PLEKHA5: variants seen among roughly 807,000 people sequenced by gnomAD.
PLEKHA5 encodes the protein pleckstrin homology domain containing A5.
In PLEKHA5, 55 loss-of-function variants were observed where a neutral mutation model predicts 181.9. The observed-to-expected ratio is 0.30, with a 90% confidence interval of 0.24 to 0.38. The LOEUF (loss-of-function observed/expected upper bound fraction) is 0.38. PLEKHA5 is among the 10% of genes least tolerant of loss of function. PLEKHA5 has a pLI of 1.00. For missense variants in PLEKHA5, 1,432 were observed against 1,549.5 expected (o/e 0.92, Z 1.27); for synonymous variants, 535 against 529.4 (o/e 1.01, Z -0.15).
chr12:19,184,303 A>C (rs1454308681), intron 3 of PLEKHA5, among the ~76,000 whole-genome samples: 3 of 152,136 alleles, frequency 2.0e-5, no homozygotes, highest in African/African-American at 7.2e-5. Flanking sequence ...TTGAATAGTA[A>C]ACCCCCAAAA....
intron 3 of PLEKHA5, chr12:19,201,579 C>A (rs2054216703): frequency 6.6e-6 from 1 of 152,074 alleles, no homozygotes; most frequent in East Asian, 1.9e-4. Context: ...CTGTCAACTA[C>A]TGTGAATGGA....
At chr12:19,249,316 A>AT (rs1323129719) in intron 3 of PLEKHA5, among the ~76,000 whole-genome samples, 2 of 152,204 alleles carry the variant, frequency 1.3e-5, no homozygotes, top group Non-Finnish European at 1.5e-5. Context: ...CAAAAACTGC[A>AT]ATACCTCAAC....
At chr12:19,232,063 T>C (rs1394772218) in intron 3 of PLEKHA5, among the ~76,000 whole-genome samples, 4 of 152,190 alleles carry the variant, frequency 2.6e-5, no homozygotes, top group African/African-American at 9.6e-5. Context: ...ATTAGTTTTA[T>C]TGCTCAAATA....
chr12:19,292,822 C>T (rs184525817), intron 15 of PLEKHA5, among the ~76,000 whole-genome samples: 2 of 152,110 alleles, frequency 1.3e-5, no homozygotes, highest in Non-Finnish European at 2.9e-5. Flanking sequence ...ACCTGTAATC[C>T]CTGCTACTTG....
chr12:19,317,356 CT>C (rs58539448), intron 16 of PLEKHA5, among the ~76,000 whole-genome samples: 402 of 139,654 alleles, frequency 2.9e-3, no homozygotes, highest in Admixed American at 2.8e-3. Flanking sequence ...GATACTATCT[CT>C]TTTTTTTTTT....
At chr12:19,170,144 A>G (rs543567624) in intron 3 of PLEKHA5, among the ~76,000 whole-genome samples, 4 of 152,242 alleles carry the variant, frequency 2.6e-5, no homozygotes, top group Non-Finnish European at 5.9e-5. Context: ...GAGATCAGGT[A>G]GAAACCCCAA....
At chr12:19,216,435 G>A (rs1292202726) in intron 3 of PLEKHA5, among the ~76,000 whole-genome samples, 5 of 152,108 alleles carry the variant, frequency 3.3e-5, no homozygotes, top group East Asian at 3.9e-4. Flanking sequence ...GGCCAAGGTG[G>A]GCAGATCATT....
intron 16 of PLEKHA5, among the ~76,000 whole-genome samples, chr12:19,317,507 A>C (rs892133321): frequency 3.3e-5 from 5 of 152,250 alleles, no homozygotes; most frequent in African/African-American, 1.2e-4. Context: ...AAATGCCTAT[A>C]GTCCTATGAG....
At chr12:19,148,979 A>T (rs909749942) in intron 3 of PLEKHA5, among the ~76,000 whole-genome samples, 1 of 152,114 alleles carries the variant, frequency 6.6e-6, no homozygotes, top group African/African-American at 2.4e-5. Context: ...GGAAACAAAC[A>T]TTATTATTGG....
At chr12:19,235,104 T>C (rs964427611) in intron 3 of PLEKHA5, among the ~76,000 whole-genome samples, 9 of 152,286 alleles carry the variant, frequency 5.9e-5, no homozygotes, top group African/African-American at 2.2e-4. Context: ...ATGAGAAGGA[T>C]CATGAATCAC....
At chr12:19,233,833 A>T (rs931455628) in intron 3 of PLEKHA5, among the ~76,000 whole-genome samples, 2 of 152,202 alleles carry the variant, frequency 1.3e-5, no homozygotes, top group African/African-American at 2.4e-5. Context: ...CACCTATAGT[A>T]TAGAGATAAC....
At chr12:19,262,872 A>G (rs549068934) in intron 7 of PLEKHA5, among the ~76,000 whole-genome samples, 1 of 152,304 alleles carries the variant, frequency 6.6e-6, no homozygotes, top group South Asian at 2.1e-4. Context: ...AACCTATAAT[A>G]GAAGTTGGAA....
chr12:19,242,265 G>GTC (rs1386544795), intron 3 of PLEKHA5, among the ~76,000 whole-genome samples: 1 of 150,322 alleles, frequency 6.7e-6, no homozygotes, highest in Non-Finnish European at 1.5e-5. Flanking sequence ...TTGAGACAGA[G>GTC]TCTCACTCTG....
At chr12:19,191,853 A>G (rs1283623039) in intron 3 of PLEKHA5, among the ~76,000 whole-genome samples, 1 of 152,144 alleles carries the variant, frequency 6.6e-6, no homozygotes, top group African/African-American at 2.4e-5. Flanking sequence ...GACCCATGAC[A>G]TGGTGGTTGG....
At chr12:19,306,523 G>T (rs1377185652) in intron 15 of PLEKHA5, 1 of 737,190 alleles carries the variant, frequency 1.4e-6, no homozygotes, top group Admixed American at 1.8e-5. Context: ...GAAGCAGGAG[G>T]GAGAACGCCG....
chr12:19,165,475 C>T (rs1234533765), intron 3 of PLEKHA5, among the ~76,000 whole-genome samples: 1 of 150,348 alleles, frequency 6.7e-6, no homozygotes, highest in Non-Finnish European at 1.5e-5. Context: ...CATTTTGGAT[C>T]AAAAGAATCT....
At chr12:19,238,040 C>CA (rs1239586524) in intron 3 of PLEKHA5, among the ~76,000 whole-genome samples, 1 of 151,922 alleles carries the variant, frequency 6.6e-6, no homozygotes, top group African/African-American at 2.4e-5. Context: ...TTTTCAGCAG[C>CA]AGCATTGTGA....
At chr12:19,189,208 C>T (rs976131535) in intron 3 of PLEKHA5, among the ~76,000 whole-genome samples, 1 of 152,170 alleles carries the variant, frequency 6.6e-6, no homozygotes, top group Admixed American at 6.5e-5. Flanking sequence ...ACCGGGGCCA[C>T]ACTGTGCAGG....
chr12:19,233,420 G>T (rs987255990), intron 3 of PLEKHA5, among the ~76,000 whole-genome samples: 1 of 152,126 alleles, frequency 6.6e-6, no homozygotes, highest in Admixed American at 6.5e-5. Flanking sequence ...GCACTGTTAG[G>T]TACTGTATGG....
Sources: gnomAD v4.1 joint callset for allele counts (sites outside exome capture counted in the v4.1 genomes callset) on GRCh38, gnomAD v4.1.1 for gene constraint, MANE v1.5 for transcripts, NCBI Gene and HGNC (gene_info 2026-07-23, HGNC 2026-07-21) for gene names.